The following CTBP2 variants were observed in gnomAD, a reference collection of about 807,000 sequenced individuals.
The protein encoded by CTBP2 is C-terminal binding protein 2, also known as C-terminal-binding protein 2.
CTBP2 carries 30 observed loss-of-function variants against 80.3 expected under a neutral mutation model. The ratio of observed to expected loss-of-function variants is 0.37; its 90% CI spans 0.28 to 0.51. The LOEUF (loss-of-function observed/expected upper bound fraction) is 0.51, where lower values mean the gene tolerates loss of function less well. Among genes scored for constraint, CTBP2 ranks in the 20% least tolerant of loss-of-function variants. The pLI, the probability that CTBP2 is intolerant of heterozygous loss-of-function variation, is 0.93. For synonymous variants in CTBP2, 594 were observed against 587.4 expected, an observed-to-expected ratio of 1.01 and a Z score of -0.16; for missense variants, 1,212 against 1,375.3, an observed-to-expected ratio of 0.88 and a Z score of 1.88.
chr10:125,095,431 C>A (rs1438802440), intron 2 of CTBP2, among the ~76,000 whole-genome samples: 2 of 152,074 alleles, frequency 1.3e-5, no homozygotes, highest in Non-Finnish European at 2.9e-5. Flanking sequence ...GAAAGACCAC[C>A]CAGCAAGGAG....
chr10:125,055,545 C>T (rs952346554), intron 2 of CTBP2, among the ~76,000 whole-genome samples: 2 of 152,132 alleles, frequency 1.3e-5, no homozygotes, highest in African/African-American at 4.8e-5. Context: ...CGATGTACAT[C>T]TCCCGCTCCC....
chr10:125,138,591 C>T (rs932888763), intron 1 of CTBP2, among the ~76,000 whole-genome samples: 6 of 151,306 alleles, frequency 4.0e-5, no homozygotes, highest in African/African-American at 1.5e-4. Flanking sequence ...TTGGAAAGAG[C>T]CGCTGTAATC....
intron 1 of CTBP2, among the ~76,000 whole-genome samples, chr10:125,137,282 G>T (rs983196990): frequency 1.3e-5 from 2 of 152,208 alleles, no homozygotes; most frequent in Non-Finnish European, 2.9e-5. Flanking sequence ...TGGGGGCAGC[G>T]GCTGTGGCCA....
Position 124,985,038 on chromosome 10 carries a change from G to A in CTBP2, c.*4480C>T. 2 of 1,453,856 alleles carry A rather than the reference G, an allele frequency of 1.4e-6. No individual in the cohort carries two copies. The allele number at this position is 1,453,856 out of a possible 1,614,324, so 90.1% of individuals were successfully genotyped here. ...AAGACCAAGGCATCAGATCTGTAAT[G>A]ACCCTAAAGTTAGTGTGGTGCTCCA... On this transcript the variant is annotated 3_prime_UTR_variant, in exon 9 of 9. Coordinates refer to ENST00000309035, the MANE Select transcript of CTBP2 (RefSeq NM_022802.3).
intron 2 of CTBP2, among the ~76,000 whole-genome samples, chr10:125,045,740 T>C (rs1158350268): frequency 6.6e-6 from 1 of 152,094 alleles, no homozygotes; most frequent in East Asian, 1.9e-4. Context: ...TCCTGACCCC[T>C]CGGCCTCCCA....
At chr10:125,153,546 GCT>G (rs1424823328) in intron 1 of CTBP2, among the ~76,000 whole-genome samples, 1 of 152,156 alleles carries the variant, frequency 6.6e-6, no homozygotes, top group African/African-American at 2.4e-5. Flanking sequence ...AACCTCGAAT[GCT>G]CTGTTTTCCC....
At chr10:124,994,947 C>T (rs1464862356) in intron 4 of CTBP2, among the ~76,000 whole-genome samples, 1 of 152,204 alleles carries the variant, frequency 6.6e-6, no homozygotes, top group Non-Finnish European at 1.5e-5. Context: ...AAAACAAAAC[C>T]CTTCCTTGTT....
chr10:124,988,590 AG>A lies in CTBP2; in HGVS notation c.*927del, dbSNP rs1165594778. The A allele has an allele frequency of 1.3e-5, 2 of 152,704 alleles. No homozygotes were observed. Among genetic ancestry groups the A allele is most frequent in the Admixed American group, 6.5e-5 (1 of 15,290 alleles). The allele number at this position is 152,704 out of a possible 1,614,324, so 9.5% of individuals were successfully genotyped here. ...AAGACTATGAATAGAACATGTAACTAGTTGATACAAATCTAATAGGATTTGT... is the reference window on the plus strand; with the variant it reads ...AAGACTATGAATAGAACATGTAACTATTGATACAAATCTAATAGGATTTGT... On this transcript the variant is annotated 3_prime_UTR_variant, in exon 9 of 9. Coordinates refer to ENST00000309035, the MANE Select transcript of CTBP2 (RefSeq NM_022802.3).
At position 124,986,363 on chromosome 10, in the gene CTBP2, T is replaced by TTAAAG. The variant is rs934191772; in HGVS notation, c.*3150_*3154dup. The TTAAAG allele has an allele frequency of 1.3e-5, 2 of 152,052 alleles. No individual in the cohort carries two copies. The highest frequency in any genetic ancestry group is 4.8e-5 in the African/African-American group (2 of 41,238). The allele number at this position is 152,052 out of a possible 1,614,324, so 9.4% of individuals were successfully genotyped here. ...TGTGATGAAAAAGGCTGTGAAAACC[T>TTAAAG]TAAAGTATTTGCTTGCTTCTTGTTT... On this transcript the variant is annotated 3_prime_UTR_variant, in exon 9 of 9. Coordinates refer to ENST00000309035, the MANE Select transcript of CTBP2 (RefSeq NM_022802.3).
chr10:124,990,040 T>C (rs1476953545), intron 8 of CTBP2, among the ~76,000 whole-genome samples: 2 of 149,908 alleles, frequency 1.3e-5, no homozygotes, highest in East Asian at 2.0e-4. Context: ...GCCTGGCTAA[T>C]AGTTTTTTTT....
chr10:125,048,109 G>T (rs1961722469), intron 2 of CTBP2, among the ~76,000 whole-genome samples: 1 of 151,992 alleles, frequency 6.6e-6, no homozygotes, highest in Non-Finnish European at 1.5e-5. Context: ...CTTGTATAAG[G>T]ACATGCTCTC....
intron 2 of CTBP2, among the ~76,000 whole-genome samples, chr10:125,076,163 C>T (rs1846242699): frequency 1.3e-5 from 2 of 152,078 alleles, no homozygotes; most frequent in African/African-American, 4.8e-5. Flanking sequence ...ACCCCCATTA[C>T]CCCACTATCA....
intron 4 of CTBP2, chr10:124,996,057 T>TTG (rs1402581371): frequency 2.0e-5 from 3 of 150,890 alleles, no homozygotes; most frequent in African/African-American, 4.9e-5. Flanking sequence ...TGTTTTTTTT[T>TTG]TTTTTTTTTT....
chr10:125,075,016 A>C (rs182642430), intron 2 of CTBP2, among the ~76,000 whole-genome samples: 1 of 152,362 alleles, frequency 6.6e-6, no homozygotes, highest in East Asian at 1.9e-4. Flanking sequence ...TCAATAAAGT[A>C]AACCAAACTT....
At chr10:125,067,010 G>A (rs1844741546) in intron 2 of CTBP2, among the ~76,000 whole-genome samples, 1 of 152,160 alleles carries the variant, frequency 6.6e-6, no homozygotes, top group Non-Finnish European at 1.5e-5. Context: ...AGGGAAGGGC[G>A]ACTCCTACTG....
chr10:125,011,934 C>G (rs962068737), intron 1 of CTBP2, among the ~76,000 whole-genome samples: 5 of 152,212 alleles, frequency 3.3e-5, no homozygotes, highest in Non-Finnish European at 7.3e-5. Context: ...TTCACCTAAC[C>G]CCGGGTGCAG....
intron 1 of CTBP2, among the ~76,000 whole-genome samples, chr10:125,125,016 C>T (rs1854990736): frequency 6.6e-6 from 1 of 152,204 alleles, no homozygotes; most frequent in Admixed American, 6.5e-5. Context: ...TGTTTCTCCC[C>T]AGTGTAACTT....
intron 3 of CTBP2, chr10:125,001,218 A>T (rs1299779923): frequency 6.6e-6 from 1 of 152,318 alleles, no homozygotes; most frequent in African/African-American, 2.4e-5. Context: ...CCTGGAAAGC[A>T]GCGTCTGGTC....
At chr10:125,057,257 GGT>G (rs989652170) in intron 2 of CTBP2, among the ~76,000 whole-genome samples, 2 of 152,192 alleles carry the variant, frequency 1.3e-5, no homozygotes, top group African/African-American at 4.8e-5. Context: ...AACATCTGTT[GGT>G]GTCAAAAGGT....
Sources: allele counts gnomAD v4.1 joint callset (sites outside exome capture counted in the v4.1 genomes callset), GRCh38; gene constraint gnomAD v4.1.1; transcripts MANE v1.5; gene names NCBI Gene and HGNC (gene_info 2026-07-23, HGNC 2026-07-21).